CPEB2: variants seen among roughly 807,000 people sequenced by gnomAD.
The protein encoded by CPEB2 is cytoplasmic polyadenylation element binding protein 2.
CPEB2 carries 56 observed loss-of-function variants against 93.6 expected under a neutral mutation model. That is an observed-to-expected ratio of 0.60 (90% confidence interval 0.48 to 0.75). CPEB2 has a LOEUF of 0.75. Ranked by LOEUF, CPEB2 falls within the 30% of genes least tolerant of loss-of-function variation. The probability of loss-of-function intolerance (pLI) is 0.00; values close to 1 mark genes in which losing one functional copy is unlikely to be tolerated. For synonymous variants in CPEB2, 764 were observed against 586.3 expected, an observed-to-expected ratio of 1.30 and a Z score of -4.38; for missense variants, 1,579 against 1,395.1, an observed-to-expected ratio of 1.13 and a Z score of -2.10.
chr4:15,039,296 G>A (rs1169744943), intron 5 of CPEB2, among the ~76,000 whole-genome samples: 1 of 152,172 alleles, frequency 6.6e-6, no homozygotes, highest in Non-Finnish European at 1.5e-5. Flanking sequence ...AGAGGAACTA[G>A]TGTGTTACAG....
intron 5 of CPEB2, 60 bp downstream of exon 5, chr4:15,033,271 A>G (rs1726300389): frequency 9.3e-7 from 1 of 1,076,968 alleles, no homozygotes; most frequent in Non-Finnish European, 1.4e-6. Context: ...GATTTAATAC[A>G]TGTTTCTCTG....
intron 3 of CPEB2, among the ~76,000 whole-genome samples, chr4:15,014,621 ACC>A: frequency 6.6e-6 from 1 of 152,030 alleles, no homozygotes; most frequent in Admixed American, 6.6e-5. Context: ...ATAGTCCTTT[ACC>A]ATTACTATTT....
chr4:15,018,067 A>T (rs1164243768), intron 4 of CPEB2, among the ~76,000 whole-genome samples: 1 of 151,910 alleles, frequency 6.6e-6, no homozygotes, highest in African/African-American at 2.4e-5. Context: ...AATATTTATT[A>T]CCTTAAACAG....
intron 2 of CPEB2, 45 bp downstream of exon 2, chr4:15,007,631 C>A: frequency 7.7e-7 from 1 of 1,299,222 alleles, no homozygotes; most frequent in Non-Finnish European, 1.0e-6. Context: ...GTTAATCTTT[C>A]AAAATAGGGA....
chr4:15,051,094 T>C (rs988842325), intron 6 of CPEB2, among the ~76,000 whole-genome samples: 4 of 152,194 alleles, frequency 2.6e-5, no homozygotes, highest in African/African-American at 9.6e-5. Flanking sequence ...ATCTCTCCTT[T>C]TTCATTCTTT....
rs751253693 is a variant in CPEB2 at position 15,004,065 on chromosome 4, C to T, written c.1392C>T (p.Ser464=). The part of the protein sequence containing the change: ...PSSMNPAFFP[S]FSPVSPHGCT... ...CCATGAACCCGGCCTTCTTCCCTAG[C>T]TTCTCGCCCGTGTCGCCGCACGGCT... The change falls in exon 1 of 12, where the codon AGC becomes AGT. Residue 464 remains serine, a synonymous_variant. Transcript: ENST00000538197. 11 of 1,566,904 alleles carry T rather than the reference C, an allele frequency of 7.0e-6. No homozygotes were observed. The highest frequency in any genetic ancestry group is 2.6e-5 in the East Asian group (1 of 38,672).
intron 3 of CPEB2, 146 bp from the exon 4 acceptor site, chr4:15,017,042 T>G: frequency 1.7e-6 from 1 of 584,464 alleles, no homozygotes; most frequent in Non-Finnish European, 3.0e-6. Flanking sequence ...CATGAGATCT[T>G]TAGTTATTGG....
chr4:15,030,652 A>G (rs1253877297), intron 4 of CPEB2, among the ~76,000 whole-genome samples: 1 of 151,992 alleles, frequency 6.6e-6, no homozygotes, highest in Non-Finnish European at 1.5e-5. Flanking sequence ...AGAGAAAAAG[A>G]CTCATCTTTA....
intron 4 of CPEB2, among the ~76,000 whole-genome samples, chr4:15,020,078 A>C (rs1480987412): frequency 2.6e-5 from 4 of 152,080 alleles, no homozygotes; most frequent in African/African-American, 9.7e-5. Context: ...TTGTTGCCTC[A>C]TGGACCTCTC....
chr4:15,029,765 ATTC>A (rs1457702532), intron 4 of CPEB2, among the ~76,000 whole-genome samples: 1 of 152,036 alleles, frequency 6.6e-6, no homozygotes, highest in African/African-American at 2.4e-5. Flanking sequence ...TTTTTATCTC[ATTC>A]TTCTATTATC....
Position 15,003,501 on chromosome 4 carries a change from C to T in CPEB2, c.828C>T (p.His276=). The change falls in exon 1 of 12, where the codon CAC becomes CAT. Residue 276 remains histidine, a synonymous_variant. Transcript: ENST00000538197. The stretch of plus-strand genomic sequence containing the variant: ...CGCCTGCAGCCCCGCGGCGCCGCCA[C>T]GGAGGCGCGGGCAGCCCTCGCAAGA... ...PSPPAAPRRR[H]GGAGSPRKTP... The T allele has an allele frequency of 7.1e-7, 1 of 1,409,274 alleles. No individual in the cohort carries two copies. The allele number at this position is 1,409,274 out of a possible 1,614,324, so 87.3% of individuals were successfully genotyped here.
chr4:15,004,060 C>T lies in CPEB2; in HGVS notation c.1387C>T (p.Pro463Ser), dbSNP rs1722424390. The change falls in exon 1 of 12, where the codon CCT becomes TCT. Residue 463 changes from proline (P) to serine (S), a missense_variant. Coordinates refer to ENST00000538197, the MANE Select transcript of CPEB2 (RefSeq NM_001177382.2). Reference sequence around the variant, plus strand: ...GTCGTCCATGAACCCGGCCTTCTTCCCTAGCTTCTCGCCCGTGTCGCCGCA... The same window carrying T: ...GTCGTCCATGAACCCGGCCTTCTTCTCTAGCTTCTCGCCCGTGTCGCCGCA... Reference protein sequence around the residue: ...LPSSMNPAFFPSFSPVSPHGC... With the variant: ...LPSSMNPAFFSSFSPVSPHGC... The T allele has an allele frequency of 1.3e-6, 2 of 1,567,610 alleles. No homozygotes were observed. Among genetic ancestry groups the T allele is most frequent in the East Asian group, 2.6e-5 (1 of 38,728 alleles).
rs545229467 is a variant in CPEB2 at position 15,005,960 on chromosome 4, G to A, written c.1663-1345G>A. On this transcript the variant is annotated intron_variant, in intron 1 of 11. Transcript: ENST00000538197. ...TATTTACTTAAAGTTGTGGTACAGA[G>A]CGTTGGAAGAACATATACCATGATC... 4.1e-4 allele frequency among the ~76,000 whole-genome samples: 63 copies of A among 152,298 alleles called. No individual in the cohort carries two copies. In the South Asian group the frequency reaches 6.4e-3, roughly 16 times the overall value.
At position 15,003,775 on chromosome 4, in the gene CPEB2, G is replaced by C. The variant is rs1577347909; in HGVS notation, c.1102G>C (p.Gly368Arg). 8.5e-7 allele frequency: 1 copy of C among 1,181,478 alleles called. No individual in the cohort carries two copies. Among genetic ancestry groups the C allele is most frequent in the East Asian group, 3.5e-5 (1 of 28,832 alleles). 73.2% of individuals were successfully genotyped at this position (1,181,478 alleles called of 1,614,324 possible). A position where few individuals can be genotyped will look rare whatever the true frequency, so the allele number is the denominator to read the frequency against. The change falls in exon 1 of 12, where the codon GGC becomes CGC. Residue 368 changes from glycine (G) to arginine (R), a missense_variant. Around this residue, in one of 2 missense-constraint regions of CPEB2, gnomAD observed 1,411 missense variants for 1,056.0 expected, o/e 1.34. Transcript: ENST00000538197. ...GGGPPGGGGG[G>R]GSASPPPLPG... ...GGGGCCCCCAGGAGGCGGAGGGGGA[G>C]GCGGCTCCGCGTCGCCGCCGCCGCT...
rs1245463134 is a variant in CPEB2 at position 15,003,913 on chromosome 4, C to A, written c.1240C>A (p.Gln414Lys). Reference sequence around the variant, plus strand: ...GCCGCCGCCACCCCAGCAGCCGCCCCAGCCGCAGCCGCAGCCGCCCGGCTC... The same window carrying A: ...GCCGCCGCCACCCCAGCAGCCGCCCAAGCCGCAGCCGCAGCCGCCCGGCTC... ...QQPPPPQQPP[Q>K]PQPQPPGSSA... The change falls in exon 1 of 12, where the codon CAG becomes AAG. Residue 414 changes from glutamine to lysine, a missense_variant. By Grantham distance (53) the Gln-to-Lys change is moderately conservative. Transcript: ENST00000538197. The A allele has an allele frequency of 1.0e-6, 1 of 989,670 alleles. No individual in the cohort carries two copies. The highest frequency in any genetic ancestry group is 1.3e-6 in the Non-Finnish European group (1 of 761,842). The allele number at this position is 989,670 out of a possible 1,614,324, so 61.3% of individuals were successfully genotyped here. A position where few individuals can be genotyped will look rare whatever the true frequency, so the allele number is the denominator to read the frequency against.
intron 7 of CPEB2, among the ~76,000 whole-genome samples, chr4:15,052,949 A>G (rs1340067121): frequency 3.9e-5 from 6 of 151,946 alleles, no homozygotes; most frequent in Non-Finnish European, 8.8e-5. Context: ...ACTGAAATAA[A>G]TGGAACCAAC....
intron 10 of CPEB2, among the ~76,000 whole-genome samples, chr4:15,060,494 A>G (rs571639878): frequency 6.6e-5 from 10 of 152,246 alleles, no homozygotes; most frequent in East Asian, 3.9e-4. Flanking sequence ...GAGAAAGCCA[A>G]CTGAACAGAG....
intron 4 of CPEB2, among the ~76,000 whole-genome samples, chr4:15,032,578 T>C (rs976505751): frequency 1.3e-5 from 2 of 152,080 alleles, no homozygotes; most frequent in African/African-American, 4.8e-5. Context: ...ATATTTTTAA[T>C]CATTTATAAA....
In CPEB2 at chr4:15,003,464, TC is replaced by T; in HGVS notation, c.794del (p.Pro265LeufsTer43). 2.2e-6 allele frequency: 3 copies of T among 1,384,608 alleles called. No individual in the cohort carries two copies. The highest frequency in any genetic ancestry group is 3.3e-5 in the Admixed American group (1 of 29,992). 85.8% of individuals were successfully genotyped at this position (1,384,608 alleles called of 1,614,324 possible). A position where few individuals can be genotyped will look rare whatever the true frequency, so the allele number is the denominator to read the frequency against. On this transcript the variant is annotated frameshift_variant, in exon 1 of 12. Coordinates refer to ENST00000538197, the MANE Select transcript of CPEB2 (RefSeq NM_001177382.2). LOFTEE classifies it high-confidence loss of function. ...GCAGACCTGCCCCCGCTCCCGCAGC[TC>T]CCTCCCTCGCCGCCTGCAGCCCCGC... ...RPADLPPLPQ[L>X]PPSPPAAPRR...
Sources: allele counts gnomAD v4.1 joint callset (sites outside exome capture counted in the v4.1 genomes callset), GRCh38; gene constraint gnomAD v4.1.1; regional missense constraint gnomAD v4.1.1; transcripts MANE v1.5; gene names NCBI Gene and HGNC (gene_info 2026-07-23, HGNC 2026-07-21).